ITGA2: variants seen among roughly 807,000 people sequenced by gnomAD.
ITGA2 encodes integrin alpha-2.
A neutral mutation model predicts 146.3 loss-of-function variants in ITGA2; 101 were observed. The observed-to-expected ratio is 0.69, with a 90% CI of 0.59 to 0.81. The LOEUF (loss-of-function observed/expected upper bound fraction) is 0.81, where lower values mean the gene tolerates loss of function less well. Ranked by LOEUF, ITGA2 falls within the 40% of genes least tolerant of loss-of-function variation. The pLI is 0.00. For synonymous variants in ITGA2, 477 were observed against 487.1 expected (o/e 0.98, Z 0.27); for missense variants, 1,281 against 1,402.7 (o/e 0.91, Z 1.39).
At chr5:53,069,648 T>C (rs946124313) in intron 16 of ITGA2, among the ~76,000 whole-genome samples, 1 of 151,950 alleles carries the variant, frequency 6.6e-6, no homozygotes, top group African/African-American at 2.4e-5. Context: ...TTCTAGTACA[T>C]TATTTGAAAA....
intron 23 of ITGA2, among the ~76,000 whole-genome samples, chr5:53,076,275 C>T (rs1745658740): frequency 6.6e-6 from 1 of 151,984 alleles, no homozygotes; most frequent in African/African-American, 2.4e-5. Flanking sequence ...AATCCAGTGA[C>T]AGCAGGTTTG....
At chr5:53,004,894 GTTTTTTTTTTTTTTTTTTTTTTT>G (rs548541753) in intron 1 of ITGA2, among the ~76,000 whole-genome samples, 6 of 55,946 alleles carry the variant, frequency 1.1e-4, no homozygotes, top group East Asian at 1.4e-3. Context: ...TAGTTGCTTT[GTTTTTTTTTTTTTTTTTTTTTTT>G]TTTTTTTTTT....
At chr5:53,067,358 T>TC in intron 16 of ITGA2, 101 bp downstream of exon 16, 1 of 1,302,014 alleles carries the variant, frequency 7.7e-7, no homozygotes, top group Non-Finnish European at 1.1e-6. Flanking sequence ...GAAATAAGGG[T>TC]TTTAGTTATA....
At position 53,090,630 on chromosome 5, in the gene ITGA2, C is replaced by G. The variant is rs772318397; in HGVS notation, c.*31C>G. On this transcript the variant is annotated 3_prime_UTR_variant, in exon 30 of 30. Transcript: ENST00000296585. ...CAGACCTACCTGCAGTGGGAACCGGCAGCATCCCAGCCAGGGTTTGCTGTT... is the reference window on the plus strand; with the variant it reads ...CAGACCTACCTGCAGTGGGAACCGGGAGCATCCCAGCCAGGGTTTGCTGTT... 1 of 1,545,110 alleles carries G rather than the reference C, an allele frequency of 6.5e-7. No individual in the cohort carries two copies. The highest frequency in any genetic ancestry group is 1.4e-5 in the African/African-American group (1 of 73,458).
In ITGA2 at chr5:53,072,118, G is replaced by A. The variant is rs142831677; in HGVS notation, c.2346+70G>A. 4.5e-4 allele frequency: 492 copies of A among 1,100,144 alleles called. 3 individuals carry two copies. In the African/African-American group the frequency reaches 5.9e-3, roughly 13 times the overall value. The allele number at this position is 1,100,144 out of a possible 1,614,324, so 68.1% of individuals were successfully genotyped here. Reference sequence around the variant, plus strand: ...TTCCACAGTCACTGCAATAGTGTCTGAAGGATGGTTAGGATGCAGCCTGAA... The same window carrying A: ...TTCCACAGTCACTGCAATAGTGTCTAAAGGATGGTTAGGATGCAGCCTGAA... On this transcript the variant is annotated intron_variant, in intron 18 of 29. Coordinates refer to ENST00000296585, the MANE Select transcript of ITGA2 (RefSeq NM_002203.4).
chr5:53,058,695 A>G (rs1744758712), intron 10 of ITGA2, among the ~76,000 whole-genome samples: 1 of 151,880 alleles, frequency 6.6e-6, no homozygotes, highest in South Asian at 2.1e-4. Context: ...AAAAAAAGAA[A>G]GAGATCCTGG....
chr5:53,079,978 C>T (rs181790265), intron 24 of ITGA2, among the ~76,000 whole-genome samples: 2 of 152,240 alleles, frequency 1.3e-5, no homozygotes, highest in East Asian at 1.9e-4. Flanking sequence ...TGCCCTGTGC[C>T]AGCACATACA....
At chr5:53,023,780 A>C (rs1225477967) in intron 1 of ITGA2, among the ~76,000 whole-genome samples, 2 of 152,230 alleles carry the variant, frequency 1.3e-5, no homozygotes, top group Non-Finnish European at 2.9e-5. Flanking sequence ...TGCAAAGAAG[A>C]AATACATGTT....
At chr5:53,054,216 G>A (rs1177570506) in intron 7 of ITGA2, among the ~76,000 whole-genome samples, 2 of 152,076 alleles carry the variant, frequency 1.3e-5, no homozygotes, top group African/African-American at 4.8e-5. Flanking sequence ...CTGAATCTCT[G>A]ATGAATATTA....
chr5:53,052,211 A>T (rs535161611), intron 7 of ITGA2, among the ~76,000 whole-genome samples: 60 of 152,216 alleles, frequency 3.9e-4, no homozygotes, highest in African/African-American at 1.3e-3. Context: ...TACATTAGGT[A>T]CTTCTCCTAA....
rs760929495 is a variant in ITGA2 at position 53,056,013 on chromosome 5, T to C, written c.960T>C (p.Leu320=). ...AVLGYLNRNA[L]DTKNLIKEIK... The stretch of plus-strand genomic sequence containing the variant: ...TTGGGTACTTAAACAGAAACGCCCT[T>C]GATACTAAAAATTTAATAAAAGAAA... Residue 320 remains leucine, a synonymous_variant, in exon 9 of 30, where the codon CTT becomes CTC. Coordinates refer to ENST00000296585, the MANE Select transcript of ITGA2 (RefSeq NM_002203.4). The C allele has an allele frequency of 1.2e-6, 2 of 1,609,440 alleles. No individual in the cohort carries two copies. Among genetic ancestry groups the C allele is most frequent in the Non-Finnish European group, 1.7e-6 (2 of 1,178,110 alleles).
intron 11 of ITGA2, 114 bp downstream of exon 11, chr5:53,060,126 A>T: frequency 9.2e-7 from 1 of 1,091,256 alleles, no homozygotes; most frequent in Non-Finnish European, 1.4e-6. Context: ...TCTAATTATC[A>T]TATTTATTAC....
In ITGA2 at chr5:53,065,054, A is replaced by T. The variant is rs1745080855; in HGVS notation, c.1745A>T (p.Asn582Ile). 1 of 1,612,746 alleles carries T rather than the reference A, an allele frequency of 6.2e-7. No homozygotes were observed. Among genetic ancestry groups the T allele is most frequent in the Admixed American group, 1.7e-5 (1 of 59,848 alleles). Residue 582 changes from asparagine (N) to isoleucine (I), a missense_variant, in exon 14 of 30, where the codon AAT (asparagine) becomes ATT (isoleucine). Transcript: ENST00000296585. Reference protein sequence around the residue: ...VIVGSPLENQNSGAVYIYNGH... With the variant: ...VIVGSPLENQISGAVYIYNGH... ...GTTGGTTCACCACTAGAAAATCAGA[A>T]TTCTGGAGCTGTATACATTTACAAT... is the stretch of plus-strand genomic sequence containing the variant.
At chr5:52,992,139 G>T (rs1215253508) in intron 1 of ITGA2, among the ~76,000 whole-genome samples, 2 of 151,770 alleles carry the variant, frequency 1.3e-5, no homozygotes, top group African/African-American at 4.8e-5. Context: ...TTTTCTTATT[G>T]TAAAAAAAAT....
intron 1 of ITGA2, among the ~76,000 whole-genome samples, chr5:52,990,438 G>A (rs1740885378): frequency 6.6e-6 from 1 of 152,190 alleles, no homozygotes; most frequent in African/African-American, 2.4e-5. Context: ...ATTAGGCAGA[G>A]CTAGAGTGTG....
chr5:53,064,150 G>A (rs1745033296), intron 13 of ITGA2, among the ~76,000 whole-genome samples: 1 of 151,884 alleles, frequency 6.6e-6, no homozygotes, highest in Admixed American at 6.6e-5. Context: ...TCTACTTCCT[G>A]TACCACTATA....
chr5:53,052,203 C>T (rs1226966460), intron 7 of ITGA2, among the ~76,000 whole-genome samples: 1 of 152,096 alleles, frequency 6.6e-6, no homozygotes, highest in African/African-American at 2.4e-5. Flanking sequence ...CCCATATCTA[C>T]ATTAGGTACT....
At chr5:53,006,190 A>G (rs1383709533) in intron 1 of ITGA2, among the ~76,000 whole-genome samples, 1 of 152,192 alleles carries the variant, frequency 6.6e-6, no homozygotes, top group African/African-American at 2.4e-5. Context: ...ACAAACCTGC[A>G]CATTCTGCAC....
At chr5:53,063,981 T>C (rs1050618019) in intron 13 of ITGA2, among the ~76,000 whole-genome samples, 4 of 151,920 alleles carry the variant, frequency 2.6e-5, no homozygotes, top group African/African-American at 9.7e-5. Context: ...CTGACCCAGT[T>C]TCATGGTTGA....
Sources: allele counts gnomAD v4.1 joint callset (sites outside exome capture counted in the v4.1 genomes callset), GRCh38; gene constraint gnomAD v4.1.1; transcripts MANE v1.5; gene names NCBI Gene and HGNC (gene_info 2026-07-23, HGNC 2026-07-21).